Variants in TRAIP observed in about 807,000 individuals in gnomAD.
TRAIP encodes E3 ubiquitin-protein ligase TRAIP.
A neutral mutation model predicts 65.0 loss-of-function variants in TRAIP; 37 were observed. The observed-to-expected ratio is 0.57, with a 90% CI of 0.44 to 0.75. TRAIP has a LOEUF of 0.75. Among genes scored for constraint, TRAIP ranks in the 30% least tolerant of loss-of-function variants. TRAIP has a pLI of 0.00. For missense variants in TRAIP, 481 were observed against 579.4 expected (o/e 0.83, Z 1.74); for synonymous variants, 187 against 219.1 (o/e 0.85, Z 1.29).
rs2081901658 is a variant in TRAIP at position 49,848,136 on chromosome 3, C to T, written c.156+7G>A. 1 of 1,614,208 alleles carries T rather than the reference C, an allele frequency of 6.2e-7. No homozygotes were observed. The highest frequency in any genetic ancestry group is 8.5e-7 in the Non-Finnish European group (1 of 1,180,010). On this transcript the variant is annotated splice_region_variant and intron_variant, in intron 2 of 14. Coordinates refer to ENST00000331456, the MANE Select transcript of TRAIP (RefSeq NM_005879.3). ...CAGTTGAGGTGGTCCCACCCCAATA[C>T]TCTCACCTGGATTCGGCACTGTGGG...
chr3:49,828,766 T>G lies in TRAIP; in HGVS notation c.*337A>C. ...GCTGCCTGAGATGCCTCAAGCACTC[T>G]GGTCCACAGAGACAGTCAACAAGTG... On this transcript the variant is annotated 3_prime_UTR_variant, in exon 15 of 15. Transcript: ENST00000331456. 1 of 290,566 alleles carries G rather than the reference T, an allele frequency of 3.4e-6. No homozygotes were observed. The highest frequency in any genetic ancestry group is 6.9e-6 in the Non-Finnish European group (1 of 145,216). The allele number at this position is 290,566 out of a possible 1,614,324, so 18.0% of individuals were successfully genotyped here. A position where few individuals can be genotyped will look rare whatever the true frequency, so the allele number is the denominator to read the frequency against.
chr3:49,833,412 C>T (rs1181256927), intron 10 of TRAIP, among the ~76,000 whole-genome samples: 1 of 152,118 alleles, frequency 6.6e-6, no homozygotes, highest in Admixed American at 6.5e-5. Flanking sequence ...GAGGTTCTCA[C>T]GGTGCCTCCC....
chr3:49,852,939 T>C (rs1449033625), intron 1 of TRAIP, among the ~76,000 whole-genome samples: 1 of 151,170 alleles, frequency 6.6e-6, no homozygotes, highest in African/African-American at 2.4e-5. Flanking sequence ...CTGGCCAACA[T>C]GGTGAAACCC....
intron 3 of TRAIP, among the ~76,000 whole-genome samples, chr3:49,845,492 G>A (rs2081874161): frequency 6.6e-6 from 1 of 152,214 alleles, no homozygotes; most frequent in Non-Finnish European, 1.5e-5. Flanking sequence ...GGCCCAGTGG[G>A]TAAACAAGCC....
intron 1 of TRAIP, among the ~76,000 whole-genome samples, chr3:49,852,672 G>A (rs1025219311): frequency 2.8e-5 from 4 of 143,288 alleles, no homozygotes; most frequent in Non-Finnish European, 6.1e-5. Flanking sequence ...GGAGAATGGC[G>A]TGAACCCGGG....
intron 10 of TRAIP, 137 bp from the exon 11 acceptor site, chr3:49,832,205 A>C (rs2081740373): frequency 5.0e-6 from 5 of 1,003,486 alleles, no homozygotes; most frequent in Non-Finnish European, 5.3e-6. Context: ...AGAGAGCCCT[A>C]CTCTCGGCCA....
At chr3:49,848,294 G>T in intron 1 of TRAIP, 94 bp from the exon 2 acceptor site, 2 of 1,370,590 alleles carry the variant, frequency 1.5e-6, no homozygotes, top group Non-Finnish European at 2.0e-6. Flanking sequence ...GGTCTGTTCT[G>T]CTCCTCCTTG....
intron 10 of TRAIP, among the ~76,000 whole-genome samples, chr3:49,834,217 G>C (rs1188161382): frequency 6.6e-6 from 1 of 152,216 alleles, no homozygotes; most frequent in East Asian, 1.9e-4. Context: ...GCCCATGAGA[G>C]AGATCTTCCT....
intron 10 of TRAIP, among the ~76,000 whole-genome samples, chr3:49,835,157 G>A (rs942944089): frequency 4.6e-5 from 7 of 152,258 alleles, no homozygotes; most frequent in Non-Finnish European, 8.8e-5. Context: ...GCAGTGAGCC[G>A]AGATCGTGCC....
At chr3:49,840,550 G>A in intron 8 of TRAIP, 177 bp from the exon 9 acceptor site, 1 of 597,372 alleles carries the variant, frequency 1.7e-6, no homozygotes, top group Non-Finnish European at 3.0e-6. Flanking sequence ...GAGCTGCCTA[G>A]AAGCAAAGGC....
chr3:49,840,924 A>C, intron 8 of TRAIP, 61 bp downstream of exon 8: 1 of 1,504,468 alleles, frequency 6.6e-7, no homozygotes, highest in South Asian at 1.1e-5. Context: ...TCAGGAGACC[A>C]GAGTGAACAT....
chr3:49,846,914 C>T (rs889654887), intron 3 of TRAIP, among the ~76,000 whole-genome samples: 2 of 152,082 alleles, frequency 1.3e-5, no homozygotes, highest in African/African-American at 4.8e-5. Flanking sequence ...GGCACGGTGG[C>T]CCACGCCTGC....
intron 1 of TRAIP, among the ~76,000 whole-genome samples, chr3:49,848,732 GA>G (rs1365929192): frequency 1.3e-5 from 2 of 152,150 alleles, no homozygotes; most frequent in Non-Finnish European, 2.9e-5. Flanking sequence ...ACAAAAAAAT[GA>G]TAAATGCTTG....
In TRAIP at chr3:49,828,990, T is replaced by G; in HGVS notation, c.*113A>C. 6.8e-7 allele frequency: 1 copy of G among 1,473,284 alleles called. No homozygotes were observed. 91.3% of individuals were successfully genotyped at this position (1,473,284 alleles called of 1,614,324 possible). On this transcript the variant is annotated 3_prime_UTR_variant, in exon 15 of 15. Coordinates refer to ENST00000331456, the MANE Select transcript of TRAIP (RefSeq NM_005879.3). ...TCACCCTCACCTGTTTGTCTGCCCT[T>G]ACACCTCAGGCTGGTCCCGAAAGTG...
chr3:49,830,950 G>A (rs981412799), intron 11 of TRAIP, among the ~76,000 whole-genome samples: 3 of 152,250 alleles, frequency 2.0e-5, no homozygotes, highest in African/African-American at 7.2e-5. Flanking sequence ...CATGAAGGTG[G>A]TGGAAATGTC....
intron 10 of TRAIP, among the ~76,000 whole-genome samples, chr3:49,836,257 G>A (rs1402471943): frequency 5.9e-5 from 9 of 152,032 alleles, no homozygotes; most frequent in Non-Finnish European, 1.5e-5. Flanking sequence ...TTGGGAGGCC[G>A]AGGTGGGAAG....
At chr3:49,832,492 G>GAAA (rs11450803) in intron 10 of TRAIP, among the ~76,000 whole-genome samples, 37 of 128,526 alleles carry the variant, frequency 2.9e-4, no homozygotes, top group Non-Finnish European at 3.8e-4. Context: ...TCCGTCTCAG[G>GAAA]AAAAAAAAAA....
intron 14 of TRAIP, 43 bp downstream of exon 14, chr3:49,829,415 G>T: frequency 6.2e-7 from 1 of 1,613,812 alleles, no homozygotes; most frequent in East Asian, 2.2e-5. Flanking sequence ...CATAGTATGG[G>T]CTCCACAGTT....
intron 7 of TRAIP, 99 bp from the exon 8 acceptor site, chr3:49,841,171 A>G (rs2081836533): frequency 1.0e-6 from 1 of 983,114 alleles, no homozygotes; most frequent in African/African-American, 1.6e-5. Flanking sequence ...CAACCCCTCA[A>G]CTCACTCTCA....
Sources: gnomAD v4.1 joint callset for allele counts (sites outside exome capture counted in the v4.1 genomes callset) on GRCh38, gnomAD v4.1.1 for gene constraint, MANE v1.5 for transcripts, NCBI Gene and HGNC (gene_info 2026-07-23, HGNC 2026-07-21) for gene names.